The following STRBP variants were observed in gnomAD, a reference collection of about 807,000 sequenced individuals.
STRBP encodes spermatid perinuclear RNA-binding protein.
In STRBP, 13 loss-of-function variants were observed where a neutral mutation model predicts 80.1. The observed-to-expected ratio is 0.16, with a 90% CI of 0.11 to 0.26. The LOEUF (loss-of-function observed/expected upper bound fraction) is 0.26, where lower values mean the gene tolerates loss of function less well. STRBP is among the 10% of genes least tolerant of loss of function. STRBP has a pLI of 1.00. For missense variants in STRBP, 485 were observed against 815.2 expected, an observed-to-expected ratio of 0.59 and a Z score of 4.93; for synonymous variants, 284 against 291.2, an observed-to-expected ratio of 0.98 and a Z score of 0.25.
chr9:123,225,658 G>A (rs2040212192), intron 2 of STRBP, among the ~76,000 whole-genome samples: 1 of 152,156 alleles, frequency 6.6e-6, no homozygotes, highest in African/African-American at 2.4e-5. Flanking sequence ...TACCTACAGT[G>A]TCTAGCACCC....
chr9:123,121,653 T>C lies in STRBP; in HGVS notation c.*3944A>G, dbSNP rs1427171433. On this transcript the variant is annotated 3_prime_UTR_variant, in exon 19 of 19. Coordinates refer to ENST00000348403, the MANE Select transcript of STRBP (RefSeq NM_018387.5). The stretch of plus-strand genomic sequence containing the variant: ...TTTCATTTTCTATTGCTTTTTTCTA[T>C]GGCTTCTTGCTGTTGTTGTATTAGG... The C allele has an allele frequency of 1.3e-5, 2 of 151,698 alleles. No individual in the cohort carries two copies. Among genetic ancestry groups the C allele is most frequent in the African/African-American group, 2.4e-5 (1 of 41,262 alleles). 9.4% of individuals were successfully genotyped at this position (151,698 alleles called of 1,614,324 possible). A position where few individuals can be genotyped will look rare whatever the true frequency, so the allele number is the denominator to read the frequency against.
chr9:123,261,170 T>C (rs2041153384), intron 1 of STRBP, among the ~76,000 whole-genome samples: 2 of 152,212 alleles, frequency 1.3e-5, no homozygotes, highest in Non-Finnish European at 2.9e-5. Flanking sequence ...CTCCACCCAG[T>C]GCCAGTACTT....
At chr9:123,254,927 C>T (rs1374841298) in intron 1 of STRBP, among the ~76,000 whole-genome samples, 5 of 152,176 alleles carry the variant, frequency 3.3e-5, no homozygotes, top group African/African-American at 9.7e-5. Context: ...CCCTTCTAAA[C>T]GTAGCCGGTG....
chr9:123,259,077 G>GGGT (rs1564341481), intron 1 of STRBP, among the ~76,000 whole-genome samples: 1 of 144,518 alleles, frequency 6.9e-6, no homozygotes, highest in East Asian at 2.2e-4. Context: ...AAAAAAAAAG[G>GGGT]GGGGGGGATT....
chr9:123,203,453 T>C (rs1192404131), intron 2 of STRBP, among the ~76,000 whole-genome samples: 2 of 152,174 alleles, frequency 1.3e-5, no homozygotes, highest in African/African-American at 4.8e-5. Flanking sequence ...TAATTAAGGC[T>C]ATAAGGCCCT....
Position 123,139,561 on chromosome 9 carries a change from T to A in STRBP, c.1465A>T (p.Asn489Tyr). The stretch of plus-strand genomic sequence containing the variant: ...GTACTGGAGGTTTCAGTTGTAGAAT[T>A]TCCAGTATTATTGCTTGAGTTTGAA... ...VSSNSSNNTG[N>Y]STTETSSTLE... Residue 489 changes from asparagine to tyrosine, a missense_variant, in exon 14 of 19, where the codon AAT becomes TAT. By Grantham distance (143) the Asn-to-Tyr change is moderately radical. Around this residue, in one of 3 missense-constraint regions of STRBP, gnomAD observed 377 missense variants for 616.1 expected, o/e 0.61. Transcript: ENST00000348403. The A allele has an allele frequency of 6.2e-7, 1 of 1,612,188 alleles. No homozygotes were observed. Among genetic ancestry groups the A allele is most frequent in the Non-Finnish European group, 8.5e-7 (1 of 1,179,528 alleles).
chr9:123,230,880 G>T (rs2040379439), intron 2 of STRBP, among the ~76,000 whole-genome samples: 1 of 152,026 alleles, frequency 6.6e-6, no homozygotes, highest in Admixed American at 6.6e-5. Context: ...TAAATTTCTG[G>T]TATTAGTAGG....
chr9:123,182,217 T>TAAAAAAAAAAAAAAAAAAAAAAAAAAAA (rs10546358), intron 3 of STRBP, among the ~76,000 whole-genome samples: 2 of 69,766 alleles, frequency 2.9e-5, no homozygotes, highest in Non-Finnish European at 7.1e-5. Flanking sequence ...TCCGTTTCTT[T>TAAAAAAAAAAAAAAAAAAAAAAAAAAAA]AAAAAAAAAA....
At position 123,121,989 on chromosome 9, in the gene STRBP, ATGTC is replaced by A. The variant is rs879755348; in HGVS notation, c.*3604_*3607del. The A allele has an allele frequency of 2.6e-5, 5 of 191,150 alleles. No individual in the cohort carries two copies. Among genetic ancestry groups the A allele is most frequent in the Admixed American group, 5.7e-5 (1 of 17,626 alleles). The allele number at this position is 191,150 out of a possible 1,614,324, so 11.8% of individuals were successfully genotyped here. A position where few individuals can be genotyped will look rare whatever the true frequency, so the allele number is the denominator to read the frequency against. On this transcript the variant is annotated 3_prime_UTR_variant, in exon 19 of 19. Transcript: ENST00000348403. ...CACACACACACTTAGTGTAAGTGAA[ATGTC>A]TGTCTTGAGTAAAAAGCAGTTACAA...
chr9:123,166,791 C>A (rs78473888), intron 6 of STRBP, among the ~76,000 whole-genome samples: 1,268 of 120,182 alleles, frequency 0.011, 8 homozygotes, highest in Middle Eastern at 0.019. Context: ...ACAACAACAA[C>A]AAAAAAACAA....
At chr9:123,164,353 A>T (rs2132408498) in intron 6 of STRBP, among the ~76,000 whole-genome samples, 1 of 152,190 alleles carries the variant, frequency 6.6e-6, no homozygotes, top group Admixed American at 6.5e-5. Context: ...GGCCAGAAAT[A>T]CAGCTTTTAA....
intron 2 of STRBP, among the ~76,000 whole-genome samples, chr9:123,209,733 T>C (rs186300150): frequency 6.6e-6 from 1 of 152,288 alleles, no homozygotes; most frequent in South Asian, 2.1e-4. Context: ...GTATTTACCA[T>C]ACAATGTTGA....
chr9:123,116,558 G>C (rs1353452422), intron 2 of STRBP, among the ~76,000 whole-genome samples: 1 of 152,194 alleles, frequency 6.6e-6, no homozygotes, highest in East Asian at 1.9e-4. Context: ...AACGAGCCCA[G>C]AAAGTCTGGA....
Position 123,122,789 on chromosome 9 carries a change from T to G in STRBP, c.*2808A>C. ...ACTGACGCAGTCAGGAATGTAACTA[T>G]TTATGTGCTAAAAAGTGTAAAAAAC... On this transcript the variant is annotated 3_prime_UTR_variant, in exon 19 of 19. Coordinates refer to ENST00000348403, the MANE Select transcript of STRBP (RefSeq NM_018387.5). The G allele has an allele frequency of 7.1e-6, 7 of 990,676 alleles. No individual in the cohort carries two copies. Among genetic ancestry groups the G allele is most frequent in the Non-Finnish European group, 8.4e-6 (7 of 833,388 alleles). 61.4% of individuals were successfully genotyped at this position (990,676 alleles called of 1,614,324 possible). A position where few individuals can be genotyped will look rare whatever the true frequency, so the allele number is the denominator to read the frequency against.
At chr9:123,207,801 T>C (rs979115719) in intron 2 of STRBP, among the ~76,000 whole-genome samples, 3 of 115,410 alleles carry the variant, frequency 2.6e-5, no homozygotes, top group Non-Finnish European at 4.5e-5. Flanking sequence ...TACTATTTCT[T>C]AGAGGAAAAA....
intron 1 of STRBP, among the ~76,000 whole-genome samples, chr9:123,242,230 C>A (rs111999246): frequency 2.0e-5 from 3 of 152,168 alleles, no homozygotes; most frequent in African/African-American, 7.2e-5. Context: ...TGAGGTATAT[C>A]GTTATTATTC....
At position 123,136,569 on chromosome 9, in the gene STRBP, C is replaced by T; in HGVS notation, c.1498-54G>A. The T allele has an allele frequency of 1.3e-6, 2 of 1,585,294 alleles. No homozygotes were observed. The highest frequency in any genetic ancestry group is 2.2e-5 in the East Asian group (1 of 44,494). On this transcript the variant is annotated intron_variant, in intron 14 of 18. Transcript: ENST00000348403. The surrounding 1 kb of genome is among the most constrained non-coding windows in gnomAD (Gnocchi z 4.2). The stretch of plus-strand genomic sequence containing the variant: ...AATCAAGTAAGATTTTAGAATATTA[C>T]ATTTCTTATTAATACAATTATGCTA...
At chr9:123,225,162 T>C (rs145108278) in intron 2 of STRBP, among the ~76,000 whole-genome samples, 1 of 152,120 alleles carries the variant, frequency 6.6e-6, no homozygotes, top group Non-Finnish European at 1.5e-5. Flanking sequence ...GAGTGTGCAG[T>C]GATGAAGATG....
intron 1 of STRBP, among the ~76,000 whole-genome samples, chr9:123,242,750 G>C (rs1340628689): frequency 1.3e-5 from 2 of 152,108 alleles, no homozygotes; most frequent in Admixed American, 6.5e-5. Context: ...GGGAGGGAGG[G>C]CTAAAAAGTT....
Sources: allele counts gnomAD v4.1 joint callset (sites outside exome capture counted in the v4.1 genomes callset), GRCh38; gene constraint gnomAD v4.1.1; regional missense constraint gnomAD v4.1.1; non-coding constraint Gnocchi (gnomAD v3.1); transcripts MANE v1.5; gene names NCBI Gene and HGNC (gene_info 2026-07-23, HGNC 2026-07-21).